NBEAL1: variants seen among roughly 807,000 people sequenced by gnomAD.
The protein encoded by NBEAL1 is neurobeachin-like protein 1.
A neutral mutation model predicts 351.3 loss-of-function variants in NBEAL1; 273 were observed. The observed-to-expected ratio is 0.78, with a 90% CI of 0.70 to 0.86. The LOEUF is 0.86. Among genes scored for constraint, NBEAL1 ranks in the 40% least tolerant of loss-of-function variants. The pLI, the probability that NBEAL1 is intolerant of heterozygous loss-of-function variation, is 0.00. For synonymous variants in NBEAL1, 1,050 were observed against 1,086.4 expected (o/e 0.97, Z 0.66); for missense variants, 2,961 against 3,201.3 (o/e 0.92, Z 1.81).
chr2:203,052,483 T>C (rs2061339596), intron 4 of NBEAL1: 1 of 152,318 alleles, frequency 6.6e-6, no homozygotes, highest in Non-Finnish European at 1.5e-5. Context: ...ATTAGAATCA[T>C]ACAGAATGTA....
intron 12 of NBEAL1, among the ~76,000 whole-genome samples, chr2:203,105,208 A>T (rs952924647): frequency 6.6e-6 from 1 of 151,814 alleles, no homozygotes; most frequent in African/African-American, 2.4e-5. Flanking sequence ...CACACCTGTG[A>T]TCCCAGCACT....
intron 42 of NBEAL1, among the ~76,000 whole-genome samples, chr2:203,176,171 C>CTTTTT (rs34311199): frequency 2.4e-5 from 3 of 122,896 alleles, no homozygotes; most frequent in East Asian, 2.5e-4. Flanking sequence ...TTTATTGCAT[C>CTTTTT]TTTTTTTTTT....
intron 15 of NBEAL1, 76 bp from the exon 16 acceptor site, chr2:203,111,903 C>T: frequency 1.4e-6 from 2 of 1,442,028 alleles, no homozygotes; most frequent in Admixed American, 2.7e-5. Flanking sequence ...AATTATAGAG[C>T]AAACTTCTGA....
intron 12 of NBEAL1, among the ~76,000 whole-genome samples, chr2:203,102,148 T>C (rs1171502047): frequency 1.3e-5 from 2 of 152,218 alleles, no homozygotes; most frequent in Non-Finnish European, 2.9e-5. Flanking sequence ...CTGATTTTTG[T>C]ACATTGATTT....
intron 15 of NBEAL1, among the ~76,000 whole-genome samples, chr2:203,111,078 A>G (rs1304088491): frequency 6.6e-6 from 1 of 152,162 alleles, no homozygotes; most frequent in African/African-American, 2.4e-5. Context: ...TATAACTCAC[A>G]CCTGTAAACC....
intron 36 of NBEAL1, among the ~76,000 whole-genome samples, chr2:203,165,552 C>G (rs1329575461): frequency 1.3e-5 from 2 of 152,170 alleles, no homozygotes; most frequent in East Asian, 3.8e-4. Context: ...CAGCTGTCCT[C>G]TGCTAATTGT....
chr2:203,097,008 C>A (rs1190327884), intron 10 of NBEAL1, among the ~76,000 whole-genome samples: 3 of 152,158 alleles, frequency 2.0e-5, no homozygotes, highest in Non-Finnish European at 4.4e-5. Context: ...AATGAACTCA[C>A]GGTTTCTTGT....
Position 203,107,914 on chromosome 2 carries a change from C to T in NBEAL1, c.1675C>T (p.Arg559Ter), listed in dbSNP as rs1488177163. ...GTCAGTGAGCTCAGAAGAAATCCGT[C>T]GACTACTGAGATTGCTGAGAGTGGA... ...SQSVSSEEIR[R>*]LLRLLRVDES... Residue 559 changes from arginine (R) to a stop codon, truncating the protein, a stop_gained, in exon 14 of 56, where the codon CGA (arginine) becomes TGA (stop). Coordinates refer to ENST00000683969, the MANE Select transcript of NBEAL1 (RefSeq NM_001378026.1). LOFTEE classifies it high-confidence loss of function. 1.3e-6 allele frequency: 2 copies of T among 1,553,486 alleles called. No homozygotes were observed. Among genetic ancestry groups the T allele is most frequent in the African/African-American group, 1.4e-5 (1 of 73,412 alleles).
chr2:203,079,071 T>TTTTGTTTTG (rs1177935466), intron 8 of NBEAL1, among the ~76,000 whole-genome samples: 2 of 152,094 alleles, frequency 1.3e-5, no homozygotes, highest in Non-Finnish European at 2.9e-5. Context: ...GTTTGTTTTG[T>TTTTGTTTTG]TTTGTTTTGT....
At chr2:203,122,482 G>T in intron 19 of NBEAL1, 139 bp downstream of exon 19, 1 of 585,762 alleles carries the variant, frequency 1.7e-6, no homozygotes, top group Non-Finnish European at 2.9e-6. Flanking sequence ...ACAATTTGAA[G>T]GGTAAACAAA....
At chr2:203,186,766 A>G (rs1278496403) in intron 44 of NBEAL1, among the ~76,000 whole-genome samples, 2 of 152,144 alleles carry the variant, frequency 1.3e-5, no homozygotes, top group Non-Finnish European at 2.9e-5. Context: ...GTCTAATTCC[A>G]TTTAAAACTT....
intron 44 of NBEAL1, among the ~76,000 whole-genome samples, chr2:203,184,074 TAAAAAAAAAA>T (rs1170251389): frequency 3.4e-5 from 3 of 87,986 alleles, no homozygotes; most frequent in Non-Finnish European, 6.4e-5. Flanking sequence ...CGAGACTGTC[TAAAAAAAAAA>T]AAAAAAAAAA....
At chr2:203,024,280 G>A (rs944231741) in intron 2 of NBEAL1, among the ~76,000 whole-genome samples, 55 of 151,904 alleles carry the variant, frequency 3.6e-4, no homozygotes, top group Non-Finnish European at 7.5e-4. Flanking sequence ...ATTACGGTCC[G>A]CATCTGGTGG....
At chr2:203,216,639 T>A (rs2105863772) in intron 55 of NBEAL1, among the ~76,000 whole-genome samples, 1 of 152,268 alleles carries the variant, frequency 6.6e-6, no homozygotes, top group Middle Eastern at 3.4e-3. Flanking sequence ...CTTATTTTGA[T>A]GAAATAATAC....
Position 203,217,529 on chromosome 2 carries a change from T to G in NBEAL1, c.*175T>G. Reference sequence around the variant, plus strand: ...AATTCTTGGTCTATACTAAGATGTATTTGAGAAAATACATTTGATTTGATT... The same window carrying G: ...AATTCTTGGTCTATACTAAGATGTAGTTGAGAAAATACATTTGATTTGATT... On this transcript the variant is annotated 3_prime_UTR_variant, in exon 56 of 56. Transcript: ENST00000683969. 8.3e-7 allele frequency: 1 copy of G among 1,208,222 alleles called. No individual in the cohort carries two copies. The highest frequency in any genetic ancestry group is 3.4e-5 in the East Asian group (1 of 29,832). 74.8% of individuals were successfully genotyped at this position (1,208,222 alleles called of 1,614,324 possible).
In NBEAL1 at chr2:203,183,301, G is replaced by T; in HGVS notation, c.6618G>T (p.Gln2206His). Residue 2206 changes from glutamine (Q) to histidine (H), a missense_variant, in exon 44 of 56, where the codon CAG (glutamine) becomes CAT (histidine). Transcript: ENST00000683969. ...NQNQFNLGRLQISKELVNDVI... is the reference protein window; with the variant it reads ...NQNQFNLGRLHISKELVNDVI... The stretch of plus-strand genomic sequence containing the variant: ...TAGAATTTAACTTGGGTCGTCTACA[G>T]ATTTCCAAAGAATTAGTAAATGATG... 6.3e-7 allele frequency: 1 copy of T among 1,588,530 alleles called. No individual in the cohort carries two copies. Among genetic ancestry groups the T allele is most frequent in the Non-Finnish European group, 8.6e-7 (1 of 1,167,614 alleles).
intron 6 of NBEAL1, among the ~76,000 whole-genome samples, chr2:203,067,131 A>G (rs948075026): frequency 2.0e-5 from 3 of 152,208 alleles, no homozygotes; most frequent in Non-Finnish European, 4.4e-5. Flanking sequence ...CCAAAATTTT[A>G]TCCTTTTAAA....
At chr2:203,151,755 C>A (rs1195229047) in intron 35 of NBEAL1, among the ~76,000 whole-genome samples, 166 bp downstream of exon 35, 1 of 151,854 alleles carries the variant, frequency 6.6e-6, no homozygotes, top group Non-Finnish European at 1.5e-5. Flanking sequence ...TACATTTGGC[C>A]TAAATCCAAG....
chr2:203,140,484 A>G (rs999814391), intron 31 of NBEAL1, among the ~76,000 whole-genome samples: 2 of 152,002 alleles, frequency 1.3e-5, no homozygotes, highest in Non-Finnish European at 2.9e-5. Flanking sequence ...ACTATTATAT[A>G]AAACTCATTT....
Sources: allele counts gnomAD v4.1 joint callset (sites outside exome capture counted in the v4.1 genomes callset), GRCh38; gene constraint gnomAD v4.1.1; transcripts MANE v1.5; gene names NCBI Gene and HGNC (gene_info 2026-07-23, HGNC 2026-07-21).